MBOAT2: variants seen among roughly 807,000 people sequenced by gnomAD.
MBOAT2 encodes membrane-bound glycerophospholipid O-acyltransferase 2.
MBOAT2 carries 28 observed loss-of-function variants against 63.4 expected under a neutral mutation model. That is an observed-to-expected ratio of 0.44 (90% CI 0.33 to 0.61). The LOEUF is 0.61. Among genes scored for constraint, MBOAT2 ranks in the 20% least tolerant of loss-of-function variants. MBOAT2 has a pLI of 0.03. For missense variants in MBOAT2, 470 were observed against 605.8 expected, an observed-to-expected ratio of 0.78 and a Z score of 2.35; for synonymous variants, 211 against 215.6, an observed-to-expected ratio of 0.98 and a Z score of 0.19.
At chr2:8,930,606 G>A (rs1029238805) in intron 3 of MBOAT2, among the ~76,000 whole-genome samples, 3 of 151,644 alleles carry the variant, frequency 2.0e-5, no homozygotes, top group East Asian at 1.9e-4. Flanking sequence ...GTAATGGGAC[G>A]GCTGGGTCAA....
intron 4 of MBOAT2, chr2:8,908,333 G>A (rs1273717144): frequency 8.0e-6 from 2 of 248,830 alleles, no homozygotes; most frequent in Admixed American, 5.4e-5. Context: ...GAAGTAAAAC[G>A]CACTCTTGAG....
At position 8,873,125 on chromosome 2, in the gene MBOAT2, T is replaced by C; in HGVS notation, c.866A>G (p.Tyr289Cys). ...TTACTTACCTAGCGTCCATGCAAAA[T>C]AGTATTTGGGTCTGGCAGCCAAAAG... ...ISLLAARPKY[Y>C]FAWTLADAIN... The change falls in exon 8 of 13, where the codon TAT (tyrosine) becomes TGT (cysteine). Residue 289 changes from tyrosine to cysteine, a missense_variant. Transcript: ENST00000305997. The C allele has an allele frequency of 6.2e-7, 1 of 1,613,762 alleles. No homozygotes were observed. Among genetic ancestry groups the C allele is most frequent in the South Asian group, 1.1e-5 (1 of 91,038 alleles).
chr2:8,918,482 A>T (rs1021433784), intron 3 of MBOAT2, among the ~76,000 whole-genome samples: 1 of 152,234 alleles, frequency 6.6e-6, no homozygotes, highest in Non-Finnish European at 1.5e-5. Context: ...ACACTAAGTG[A>T]ACACATGTTA....
At position 8,940,724 on chromosome 2, in the gene MBOAT2, G is replaced by A. The variant is rs140701354; in HGVS notation, c.299+2463C>T. 2.6e-4 allele frequency among the ~76,000 whole-genome samples: 40 copies of A among 152,146 alleles called. No homozygotes were observed. In the East Asian group the frequency reaches 7.5e-3, roughly 29 times the overall value. On this transcript the variant is annotated intron_variant, in intron 3 of 12. Transcript: ENST00000305997. ...TATATATATTTGAATTTACACGTGG[G>A]TCAATCAAAGCAAGTACAATAACTA...
chr2:9,002,320 ACTT>A (rs1672752587), intron 1 of MBOAT2, among the ~76,000 whole-genome samples: 1 of 152,164 alleles, frequency 6.6e-6, no homozygotes, highest in African/African-American at 2.4e-5. Flanking sequence ...CCTTCGACAT[ACTT>A]AAGGCGATTT....
intron 4 of MBOAT2, among the ~76,000 whole-genome samples, chr2:8,902,654 T>C (rs186187929): frequency 1.3e-5 from 2 of 152,262 alleles, no homozygotes; most frequent in East Asian, 3.9e-4. Flanking sequence ...TTGCGGTGAC[T>C]GTTACAGTTC....
At chr2:8,963,470 A>G (rs777179848) in intron 1 of MBOAT2, among the ~76,000 whole-genome samples, 1 of 151,958 alleles carries the variant, frequency 6.6e-6, no homozygotes, top group Non-Finnish European at 1.5e-5. Context: ...CGCCCGGCTA[A>G]TTTTTGTATT....
At chr2:8,954,866 A>G (rs1606305) in intron 2 of MBOAT2, among the ~76,000 whole-genome samples, 16,240 of 152,142 alleles carry the variant, frequency 0.11, 1,040 homozygotes, top group African/African-American at 0.18. Flanking sequence ...TCTGCCTGGG[A>G]GTGGAGCAGA....
At chr2:8,925,601 G>A (rs1666878386) in intron 3 of MBOAT2, among the ~76,000 whole-genome samples, 1 of 152,218 alleles carries the variant, frequency 6.6e-6, no homozygotes, top group South Asian at 2.1e-4. Flanking sequence ...CGGTTAGCAT[G>A]TGAGCAGAGT....
At chr2:8,931,304 T>C (rs750731722) in intron 3 of MBOAT2, among the ~76,000 whole-genome samples, 6 of 152,196 alleles carry the variant, frequency 3.9e-5, no homozygotes, top group Non-Finnish European at 8.8e-5. Context: ...TTTTAATATG[T>C]TTGTTGGTCA....
rs1661132755 is a variant in MBOAT2, at chr2:8,856,977, T to C, written c.*1702A>G. 1 of 152,510 alleles carries C rather than the reference T, an allele frequency of 6.6e-6. No homozygotes were observed. 9.4% of individuals were successfully genotyped at this position (152,510 alleles called of 1,614,324 possible). On this transcript the variant is annotated 3_prime_UTR_variant, in exon 13 of 13. Coordinates refer to ENST00000305997, the MANE Select transcript of MBOAT2 (RefSeq NM_138799.4). This position sits in a 1 kb window ranked among gnomAD's most constrained non-coding sequence, Gnocchi z 4.2. ...TTAGATAAATAAAAATAGATTAGGA[T>C]ATTTCTAAACTTCAAAAAAGACACA...
chr2:8,887,946 G>A, intron 5 of MBOAT2, 72 bp downstream of exon 5: 2 of 1,349,022 alleles, frequency 1.5e-6, no homozygotes, highest in South Asian at 1.2e-5. Flanking sequence ...AGAAAGTTAT[G>A]GCAATATCTC....
At chr2:8,949,901 T>C (rs571258456) in intron 2 of MBOAT2, among the ~76,000 whole-genome samples, 5 of 152,086 alleles carry the variant, frequency 3.3e-5, no homozygotes, top group Non-Finnish European at 7.4e-5. Context: ...TGATAGAAAT[T>C]GCTTTGGGCA....
chr2:8,995,804 A>G (rs10929562), intron 1 of MBOAT2, among the ~76,000 whole-genome samples: 37,631 of 151,918 alleles, frequency 0.25, 7,609 homozygotes, highest in African/African-American at 0.56. Flanking sequence ...TGTTAGCCAG[A>G]ATGGTCTCGA....
chr2:8,960,444 T>C (rs1669527507), intron 1 of MBOAT2, among the ~76,000 whole-genome samples: 1 of 152,172 alleles, frequency 6.6e-6, no homozygotes, highest in African/African-American at 2.4e-5. Flanking sequence ...ATCAGAGTCT[T>C]TTTAATGGTT....
At chr2:8,962,555 G>A (rs1669688561) in intron 1 of MBOAT2, among the ~76,000 whole-genome samples, 2 of 152,176 alleles carry the variant, frequency 1.3e-5, no homozygotes, top group Admixed American at 1.3e-4. Context: ...AAATGCTGAG[G>A]TGCAAATTAC....
intron 2 of MBOAT2, among the ~76,000 whole-genome samples, chr2:8,948,429 T>TC (rs567824255): frequency 2.4e-3 from 366 of 152,274 alleles, no homozygotes; most frequent in African/African-American, 8.5e-3. Context: ...GTATGAATGA[T>TC]CCCCTCACCC....
chr2:8,902,779 C>T (rs1354285379), intron 4 of MBOAT2, among the ~76,000 whole-genome samples: 6 of 152,144 alleles, frequency 3.9e-5, no homozygotes, highest in Non-Finnish European at 5.9e-5. Flanking sequence ...ATAAAGGTGG[C>T]GGGGACCCAA....
At chr2:8,967,320 T>G (rs182434283) in intron 1 of MBOAT2, among the ~76,000 whole-genome samples, 19 of 152,318 alleles carry the variant, frequency 1.2e-4, no homozygotes, top group Admixed American at 7.8e-4. Context: ...TATTAAACCT[T>G]ATGTATTATT....
Sources: allele counts gnomAD v4.1 joint callset (sites outside exome capture counted in the v4.1 genomes callset), GRCh38; gene constraint gnomAD v4.1.1; non-coding constraint Gnocchi (gnomAD v3.1); transcripts MANE v1.5; gene names NCBI Gene and HGNC (gene_info 2026-07-23, HGNC 2026-07-21).